Variants in ITIH5 observed in about 807,000 individuals in gnomAD.
The protein encoded by ITIH5 is inter-alpha-trypsin inhibitor heavy chain H5.
In ITIH5, 65 loss-of-function variants were observed where a neutral mutation model predicts 77.5. The ratio of observed to expected loss-of-function variants is 0.84; its 90% CI spans 0.69 to 1.03. ITIH5 has a LOEUF of 1.03. Among genes scored for constraint, ITIH5 ranks in the 50% least tolerant of loss-of-function variants. The pLI is 0.00. For synonymous variants in ITIH5, 525 were observed against 494.3 expected (o/e 1.06, Z -0.82); for missense variants, 1,208 against 1,213.1 (o/e 1.00, Z 0.06).
chr10:7,632,259 G>A (rs949178727), intron 5 of ITIH5, among the ~76,000 whole-genome samples: 2 of 152,188 alleles, frequency 1.3e-5, no homozygotes, highest in African/African-American at 2.4e-5. Flanking sequence ...GAAGTCTACA[G>A]GGATGAAGAG....
rs979309169 is a variant in ITIH5 at position 7,605,666 on chromosome 10, A to G, written c.939+10316T>C. On this transcript the variant is annotated intron_variant, in intron 7 of 13. Transcript: ENST00000397146. ...CCAAGAAGTGGGGGGCTGTGCTATCAGGCAATGCCAGCGCTTAGGAATTTT... is the reference window on the plus strand; with the variant it reads ...CCAAGAAGTGGGGGGCTGTGCTATCGGGCAATGCCAGCGCTTAGGAATTTT... Among the ~76,000 whole-genome samples, 13 of 152,284 alleles carry G rather than the reference A, an allele frequency of 8.5e-5. No individual in the cohort carries two copies. The South Asian group carries it at 1.0e-3, about 12-fold the overall frequency.
At chr10:7,587,073 A>T (rs944682238) in intron 7 of ITIH5, among the ~76,000 whole-genome samples, 3 of 152,080 alleles carry the variant, frequency 2.0e-5, no homozygotes, top group Non-Finnish European at 4.4e-5. Flanking sequence ...CAGGCAATCC[A>T]TCTGCCTCAG....
chr10:7,568,490 G>A (rs1031863571), intron 12 of ITIH5, among the ~76,000 whole-genome samples: 1 of 152,128 alleles, frequency 6.6e-6, no homozygotes, highest in African/African-American at 2.4e-5. Flanking sequence ...ATACAGTTAG[G>A]CCCCTATCTT....
intron 6 of ITIH5, among the ~76,000 whole-genome samples, chr10:7,616,611 T>G (rs1255932860): frequency 6.6e-6 from 1 of 152,146 alleles, no homozygotes. Flanking sequence ...TCAGATCACC[T>G]GAGGTCAGGA....
chr10:7,648,075 C>T (rs1000430149), intron 2 of ITIH5, among the ~76,000 whole-genome samples: 14 of 98,628 alleles, frequency 1.4e-4, no homozygotes, highest in African/African-American at 3.1e-4. Context: ...AACCCTGTCT[C>T]TACTAAAAAA....
chr10:7,575,476 A>C (rs761042375), intron 10 of ITIH5, among the ~76,000 whole-genome samples: 2 of 152,224 alleles, frequency 1.3e-5, no homozygotes, highest in Non-Finnish European at 2.9e-5. Flanking sequence ...AGAGAACTTG[A>C]CAGGAGCCCA....
chr10:7,635,108 G>A (rs1029155724), intron 5 of ITIH5, among the ~76,000 whole-genome samples: 8 of 152,066 alleles, frequency 5.3e-5, no homozygotes, highest in East Asian at 1.9e-4. Flanking sequence ...TCTGTAGTTC[G>A]AAGACACTCA....
At chr10:7,655,103 G>A (rs1262182745) in intron 2 of ITIH5, among the ~76,000 whole-genome samples, 1 of 152,158 alleles carries the variant, frequency 6.6e-6, no homozygotes. Context: ...AGAGTCTAAA[G>A]GCATGTCTCT....
At chr10:7,567,457 T>C (rs1832212268) in intron 12 of ITIH5, among the ~76,000 whole-genome samples, 1 of 151,524 alleles carries the variant, frequency 6.6e-6, no homozygotes, top group African/African-American at 2.4e-5. Flanking sequence ...TCATTTACAT[T>C]AGGTATATCT....
At chr10:7,589,840 C>T (rs12258218) in intron 7 of ITIH5, among the ~76,000 whole-genome samples, 2,457 of 152,046 alleles carry the variant, frequency 0.016, 75 homozygotes, top group African/African-American at 0.056. Flanking sequence ...TATGCTGTTC[C>T]CTCCTTGAAA....
At chr10:7,565,294 A>C (rs1391356318) in intron 13 of ITIH5, among the ~76,000 whole-genome samples, 1 of 115,808 alleles carries the variant, frequency 8.6e-6, no homozygotes, top group Non-Finnish European at 2.0e-5. Flanking sequence ...CACACCATAC[A>C]TACAGACTGT....
chr10:7,575,701 G>T (rs1407391842), intron 10 of ITIH5, among the ~76,000 whole-genome samples: 8 of 152,002 alleles, frequency 5.3e-5, no homozygotes, highest in Non-Finnish European at 1.2e-4. Context: ...CCGTACCTTG[G>T]TCCTTCCCAC....
At chr10:7,563,636 T>C (rs1242879905) in intron 13 of ITIH5, among the ~76,000 whole-genome samples, 1 of 152,182 alleles carries the variant, frequency 6.6e-6, no homozygotes, top group East Asian at 1.9e-4. Context: ...TTGTGTAACC[T>C]ACACATAGTG....
At chr10:7,569,900 T>A in intron 11 of ITIH5, 116 bp from the exon 12 acceptor site, 1 of 599,254 alleles carries the variant, frequency 1.7e-6, no homozygotes, top group East Asian at 3.2e-5. Flanking sequence ...TGAAAACTAT[T>A]CTGGAAGGAG....
chr10:7,648,948 G>C (rs143150284), intron 2 of ITIH5, among the ~76,000 whole-genome samples: 1 of 152,208 alleles, frequency 6.6e-6, no homozygotes, highest in African/African-American at 2.4e-5. Context: ...TTGTGCTTCT[G>C]CCCAGCTACA....
In ITIH5 at chr10:7,579,513, G is replaced by A. The variant is rs61836575; in HGVS notation, c.1418+242C>T. 2.1e-3 allele frequency among the ~76,000 whole-genome samples: 307 copies of A among 149,572 alleles called. 2 individuals carry two copies. Among genetic ancestry groups the A allele is most frequent in the Non-Finnish European group, 3.2e-3 (219 of 67,730 alleles). On this transcript the variant is annotated intron_variant, in intron 9 of 13. Transcript: ENST00000397146. ...GCATTGCAGCCTGGGCAACAAGAGC[G>A]AAACTCCATCACAAGAAAAAAAAAA...
rs1250945869 is a variant in ITIH5, at chr10:7,562,956, C to A, written c.*127G>T. On this transcript the variant is annotated 3_prime_UTR_variant, in exon 14 of 14. Coordinates refer to ENST00000397146, the MANE Select transcript of ITIH5 (RefSeq NM_030569.7). ...GACAGACGTCGGATCTATGCTGCAC[C>A]AGGGGTGGGTCATGGAGTCCAGCTA... The A allele has an allele frequency of 2.5e-6, 2 of 803,014 alleles. No individual in the cohort carries two copies. Among genetic ancestry groups the A allele is most frequent in the Non-Finnish European group, 4.3e-6 (2 of 464,552 alleles). 49.7% of individuals were successfully genotyped at this position (803,014 alleles called of 1,614,324 possible). A position where few individuals can be genotyped will look rare whatever the true frequency, so the allele number is the denominator to read the frequency against.
At chr10:7,563,788 G>A (rs1440666215) in intron 13 of ITIH5, among the ~76,000 whole-genome samples, 2 of 152,244 alleles carry the variant, frequency 1.3e-5, no homozygotes, top group East Asian at 3.8e-4. Context: ...GGGTGGGGGT[G>A]GAAAGCAGTC....
At chr10:7,566,545 C>T in intron 12 of ITIH5, 138 bp from the exon 13 acceptor site, 1 of 702,144 alleles carries the variant, frequency 1.4e-6, no homozygotes. Flanking sequence ...CTGGGCAACA[C>T]AGAGACCCCA....
Sources: gnomAD v4.1 joint callset for allele counts (sites outside exome capture counted in the v4.1 genomes callset) on GRCh38, gnomAD v4.1.1 for gene constraint, MANE v1.5 for transcripts, NCBI Gene and HGNC (gene_info 2026-07-23, HGNC 2026-07-21) for gene names.